Variants in PLCB1 observed in about 807,000 individuals in gnomAD.
PLCB1 encodes 1-phosphatidylinositol 4,5-bisphosphate phosphodiesterase beta-1.
In PLCB1, 46 loss-of-function variants were observed where a neutral mutation model predicts 161.8. That is an observed-to-expected ratio of 0.28 (90% confidence interval 0.22 to 0.36). The LOEUF (loss-of-function observed/expected upper bound fraction) is 0.36, where lower values mean the gene tolerates loss of function less well. Ranked by LOEUF, PLCB1 falls within the 10% of genes least tolerant of loss-of-function variation. PLCB1 has a pLI of 1.00. For missense variants in PLCB1, 1,016 were observed against 1,472.5 expected (o/e 0.69, Z 5.07); for synonymous variants, 517 against 503.7 (o/e 1.03, Z -0.35).
chr20:8,794,373 A>G (rs2146228484), intron 31 of PLCB1, among the ~76,000 whole-genome samples: 1 of 152,346 alleles, frequency 6.6e-6, no homozygotes, highest in East Asian at 1.9e-4. Context: ...AATTTGGGGA[A>G]CTAATAAATG....
chr20:8,282,696 G>T (rs1279389059), intron 2 of PLCB1, among the ~76,000 whole-genome samples: 3 of 152,262 alleles, frequency 2.0e-5, no homozygotes, highest in Non-Finnish European at 2.9e-5. Context: ...CAAAGGGGTT[G>T]GTAGATGTTT....
chr20:8,440,340 T>A (rs1285894217), intron 3 of PLCB1, among the ~76,000 whole-genome samples: 1 of 152,178 alleles, frequency 6.6e-6, no homozygotes, highest in African/African-American at 2.4e-5. Context: ...GAAATAAGGA[T>A]GTATTTATTT....
intron 3 of PLCB1, among the ~76,000 whole-genome samples, chr20:8,585,906 C>T (rs1986974041): frequency 6.6e-6 from 1 of 152,240 alleles, no homozygotes; most frequent in Non-Finnish European, 1.5e-5. Flanking sequence ...CATTAATACC[C>T]CTCAGTGGTT....
rs114715380 is a variant in PLCB1 at position 8,639,259 on chromosome 20, C to T, written c.385-6843C>T. 6.5e-3 allele frequency among the ~76,000 whole-genome samples: 995 copies of T among 152,284 alleles called. 8 individuals are homozygous for T. The highest frequency in any genetic ancestry group is 0.023 in the African/African-American group (947 of 41,548). On this transcript the variant is annotated intron_variant, in intron 4 of 31. Coordinates refer to ENST00000338037, the MANE Select transcript of PLCB1 (RefSeq NM_015192.4). ...CATGCTTCTGGAGTTACTGGGACTA[C>T]GTGCTGAAGGAGCTATTTGGGAACA...
intron 10 of PLCB1, among the ~76,000 whole-genome samples, chr20:8,696,410 T>A (rs1990586462): frequency 6.6e-6 from 1 of 152,224 alleles, no homozygotes; most frequent in Non-Finnish European, 1.5e-5. Flanking sequence ...GTAGCTTTGT[T>A]TTAAGTTTTG....
chr20:8,159,541 CCGG>C (rs2051599173), intron 2 of PLCB1, among the ~76,000 whole-genome samples: 1 of 152,246 alleles, frequency 6.6e-6, no homozygotes, highest in South Asian at 2.1e-4. Context: ...ATTTCTGCAG[CCGG>C]CTTGAACTTC....
intron 31 of PLCB1, among the ~76,000 whole-genome samples, chr20:8,856,097 C>T (rs1987057767): frequency 6.6e-6 from 1 of 151,922 alleles, no homozygotes; most frequent in South Asian, 2.1e-4. Flanking sequence ...CACCCTCTGC[C>T]CTTCAAGGTA....
At chr20:8,375,578 G>A (rs549903614) in intron 3 of PLCB1, among the ~76,000 whole-genome samples, 16 of 152,206 alleles carry the variant, frequency 1.1e-4, no homozygotes, top group African/African-American at 3.9e-4. Context: ...AATACATATC[G>A]GAGAAGTTTT....
At position 8,842,643 on chromosome 20, in the gene PLCB1, T is replaced by G. The variant is rs1248492542; in HGVS notation, c.3424-38979T>G. On this transcript the variant is annotated intron_variant, in intron 31 of 31. Coordinates refer to ENST00000338037, the MANE Select transcript of PLCB1 (RefSeq NM_015192.4). ...AAACTGAGCTCCCGGAGTGAGCAATTCCTGTCCCTTTTAAGGGCCTACAGC... is the reference window on the plus strand; with the variant it reads ...AAACTGAGCTCCCGGAGTGAGCAATGCCTGTCCCTTTTAAGGGCCTACAGC... 2.0e-5 allele frequency among the ~76,000 whole-genome samples: 3 copies of G among 152,108 alleles called. No homozygotes were observed. In the East Asian group the frequency reaches 5.8e-4, roughly 29 times the overall value.
intron 2 of PLCB1, among the ~76,000 whole-genome samples, chr20:8,343,526 T>A (rs1433320403): frequency 1.3e-5 from 2 of 152,222 alleles, no homozygotes; most frequent in Admixed American, 6.5e-5. Context: ...TGTACTTCAT[T>A]GTTTCACTGT....
At chr20:8,275,575 T>G (rs918192719) in intron 2 of PLCB1, among the ~76,000 whole-genome samples, 1 of 152,198 alleles carries the variant, frequency 6.6e-6, no homozygotes, top group Admixed American at 6.5e-5. Context: ...TTCTGTTATT[T>G]TCTTAGCTGT....
intron 26 of PLCB1, 73 bp downstream of exon 26, chr20:8,765,431 A>G (rs926984377): frequency 3.4e-6 from 4 of 1,169,072 alleles, no homozygotes; most frequent in East Asian, 2.4e-5. Flanking sequence ...AATGTTTTAT[A>G]TCATATTTTT....
rs528131833 is a variant in PLCB1 at position 8,623,076 on chromosome 20, TTTCC to T, written c.247-5208_247-5205del. ...GAATGCCCTCCAGCAGCCCCTTATC[TTTCC>T]TTCCTTCCTAGCTCTCGAAACTGCA... is the stretch of plus-strand genomic sequence containing the variant. On this transcript the variant is annotated intron_variant, in intron 3 of 31. Transcript: ENST00000338037. 7.1e-3 allele frequency among the ~76,000 whole-genome samples: 1,075 copies of T among 152,196 alleles called. 10 individuals carry two copies. Among genetic ancestry groups the T allele is most frequent in the Non-Finnish European group, 0.012 (813 of 68,014 alleles).
intron 11 of PLCB1, among the ~76,000 whole-genome samples, chr20:8,707,031 T>C (rs1180089030): frequency 6.6e-6 from 1 of 152,190 alleles, no homozygotes; most frequent in Non-Finnish European, 1.5e-5. Context: ...AAATATAGCA[T>C]TTAAAATCTG....
chr20:8,774,793 A>T, intron 27 of PLCB1, 74 bp downstream of exon 27: 1 of 1,300,156 alleles, frequency 7.7e-7, no homozygotes, highest in Non-Finnish European at 1.1e-6. Flanking sequence ...ACTTTTGGAT[A>T]ACTAAAAGGA....
chr20:8,677,596 C>G (rs553749685), intron 9 of PLCB1, among the ~76,000 whole-genome samples: 1 of 151,996 alleles, frequency 6.6e-6, no homozygotes, highest in East Asian at 1.9e-4. Context: ...GAAACGGGGA[C>G]CAAAAGTGCT....
intron 6 of PLCB1, among the ~76,000 whole-genome samples, chr20:8,648,764 A>G (rs1989233072): frequency 6.6e-6 from 1 of 152,004 alleles, no homozygotes; most frequent in South Asian, 2.1e-4. Context: ...ACATAGTGAG[A>G]CTCTATCTTT....
At chr20:8,323,037 G>A (rs967149226) in intron 2 of PLCB1, among the ~76,000 whole-genome samples, 3 of 152,182 alleles carry the variant, frequency 2.0e-5, no homozygotes, top group African/African-American at 7.2e-5. Context: ...CCAGCTCACA[G>A]AATGAAAAGG....
In PLCB1 at chr20:8,485,812, C is replaced by T. The variant is rs191146923; in HGVS notation, c.246+114362C>T. 1.1e-4 allele frequency among the ~76,000 whole-genome samples: 16 copies of T among 152,312 alleles called. No homozygotes were observed. In the East Asian group the frequency reaches 2.9e-3, roughly 28 times the overall value. On this transcript the variant is annotated intron_variant, in intron 3 of 31. Transcript: ENST00000338037. ...AAAATCTACATGCTTGGACTTTACT[C>T]CTAAATCAGAGATTTGGGGTCTACA...
Sources: gnomAD v4.1 joint callset for allele counts (sites outside exome capture counted in the v4.1 genomes callset) on GRCh38, gnomAD v4.1.1 for gene constraint, MANE v1.5 for transcripts, NCBI Gene and HGNC (gene_info 2026-07-23, HGNC 2026-07-21) for gene names.